The following MEGF8 variants were observed in gnomAD, a reference collection of about 807,000 sequenced individuals.
The protein encoded by MEGF8 is multiple epidermal growth factor-like domains protein 8.
MEGF8 carries 156 observed loss-of-function variants against 302.9 expected under a neutral mutation model. The ratio of observed to expected loss-of-function variants is 0.52; its 90% CI spans 0.45 to 0.59. MEGF8 has a LOEUF of 0.59. Among genes scored for constraint, MEGF8 ranks in the 20% least tolerant of loss-of-function variants. The pLI is 0.00. For synonymous variants in MEGF8, 1,621 were observed against 1,660.5 expected, an observed-to-expected ratio of 0.98 and a Z score of 0.58; for missense variants, 3,345 against 3,964.5, an observed-to-expected ratio of 0.84 and a Z score of 4.20.
intron 35 of MEGF8, among the ~76,000 whole-genome samples, chr19:42,365,240 G>A (rs1487951616): frequency 6.6e-6 from 1 of 152,024 alleles, no homozygotes; most frequent in Non-Finnish European, 1.5e-5. Flanking sequence ...ACAGTCCTGC[G>A]GGCATGCGCT....
chr19:42,356,680 C>T lies in MEGF8; in HGVS notation c.4623-94C>T, dbSNP rs1311547185. 5.3e-6 allele frequency: 7 copies of T among 1,332,242 alleles called. No homozygotes were observed. The highest frequency in any genetic ancestry group is 7.2e-6 in the Non-Finnish European group (7 of 977,044). 82.5% of individuals were successfully genotyped at this position (1,332,242 alleles called of 1,614,324 possible). Reference sequence around the variant, plus strand: ...CAAGAGGACTGTCATAGGAAGGTCACCCCAGGGGATGCGGGGACATCTGTC... The same window carrying T: ...CAAGAGGACTGTCATAGGAAGGTCATCCCAGGGGATGCGGGGACATCTGTC... On this transcript the variant is annotated intron_variant, in intron 26 of 41. Coordinates refer to ENST00000251268, the MANE Select transcript of MEGF8 (RefSeq NM_001271938.2). The surrounding 1 kb of genome is among the most constrained non-coding windows in gnomAD (Gnocchi z 5.2).
chr19:42,345,600 T>C (rs1390708132), intron 12 of MEGF8, among the ~76,000 whole-genome samples: 1 of 152,254 alleles, frequency 6.6e-6, no homozygotes, highest in African/African-American at 2.4e-5. Flanking sequence ...CTCATTCATT[T>C]TATAACTTCA....
At chr19:42,361,153 C>A in intron 32 of MEGF8, 147 bp downstream of exon 32, 1 of 830,788 alleles carries the variant, frequency 1.2e-6, no homozygotes, top group Non-Finnish European at 1.7e-6. Context: ...GCCGGGGGAG[C>A]TCTGAGTGGG....
chr19:42,333,502 G>A, intron 1 of MEGF8, 103 bp from the exon 2 acceptor site: 1 of 1,301,936 alleles, frequency 7.7e-7, no homozygotes, highest in South Asian at 1.4e-5. Context: ...TGAGCCCCCA[G>A]CATCACCTGG....
chr19:42,331,435 T>C (rs2039053210), intron 1 of MEGF8, among the ~76,000 whole-genome samples: 1 of 152,182 alleles, frequency 6.6e-6, no homozygotes, highest in South Asian at 2.1e-4. Flanking sequence ...TCCCCTGAGC[T>C]GCCTGTTCAG....
At chr19:42,364,694 C>CTG (rs369274296) in intron 35 of MEGF8, among the ~76,000 whole-genome samples, 13 of 152,326 alleles carry the variant, frequency 8.5e-5, no homozygotes, top group Non-Finnish European at 1.5e-4. Flanking sequence ...AAAGCTCAGG[C>CTG]TGTGAAGTCA....
chr19:42,371,237 G>C (rs551327513), intron 40 of MEGF8, 113 bp from the exon 41 acceptor site: 1 of 1,411,308 alleles, frequency 7.1e-7, no homozygotes, highest in South Asian at 1.4e-5. Flanking sequence ...TGACCTCTGT[G>C]AACCTCAGTT....
At chr19:42,340,204 C>T (rs1352727230) in intron 8 of MEGF8, among the ~76,000 whole-genome samples, 7 of 152,110 alleles carry the variant, frequency 4.6e-5, no homozygotes, top group African/African-American at 1.7e-4. Flanking sequence ...GTGAAGTGCT[C>T]CACACATTTC....
At chr19:42,340,938 G>A (rs1045387887) in intron 8 of MEGF8, among the ~76,000 whole-genome samples, 1 of 152,132 alleles carries the variant, frequency 6.6e-6, no homozygotes, top group Admixed American at 6.5e-5. Context: ...AAAGTTCTGG[G>A]ATTACAGGCA....
rs2039778371 is a variant in MEGF8, at chr19:42,376,900, G to A, written c.*125G>A. ...GAGACCACTGGCCCCCTTCCCCCAG[G>A]GTTGCCCAGATGGGGCCTCCTTTGT... On this transcript the variant is annotated 3_prime_UTR_variant, in exon 42 of 42. Transcript: ENST00000251268. The surrounding 1 kb of genome is among the most constrained non-coding windows in gnomAD (Gnocchi z 8.2). The A allele has an allele frequency of 5.2e-6, 6 of 1,143,926 alleles. No individual in the cohort carries two copies. Among genetic ancestry groups the A allele is most frequent in the African/African-American group, 1.6e-5 (1 of 62,494 alleles). 70.9% of individuals were successfully genotyped at this position (1,143,926 alleles called of 1,614,324 possible). A position where few individuals can be genotyped will look rare whatever the true frequency, so the allele number is the denominator to read the frequency against.
intron 15 of MEGF8, among the ~76,000 whole-genome samples, chr19:42,350,603 C>G (rs758972912): frequency 2.0e-5 from 3 of 152,150 alleles, no homozygotes; most frequent in Non-Finnish European, 4.4e-5. Context: ...GCAACTCCAT[C>G]CTTTTCCACT....
Position 42,356,195 on chromosome 19 carries a change from T to C in MEGF8, c.4503+2T>C. ...CTCATGGACAGCCGCCTCTCAGCCGTGAGTTGTGGGTACCCGCTGTCTAGG... is the reference window on the plus strand; with the variant it reads ...CTCATGGACAGCCGCCTCTCAGCCGCGAGTTGTGGGTACCCGCTGTCTAGG... On this transcript the variant is annotated splice_donor_variant, in intron 25 of 41. Transcript: ENST00000251268. LOFTEE classifies it high-confidence loss of function. This position sits in a 1 kb window ranked among gnomAD's most constrained non-coding sequence, Gnocchi z 5.2. 6.6e-7 allele frequency: 1 copy of C among 1,521,294 alleles called. No homozygotes were observed. Among genetic ancestry groups the C allele is most frequent in the Non-Finnish European group, 8.8e-7 (1 of 1,130,174 alleles). The allele number at this position is 1,521,294 out of a possible 1,614,324, so 94.2% of individuals were successfully genotyped here.
intron 41 of MEGF8, among the ~76,000 whole-genome samples, chr19:42,374,696 C>A (rs2147517921): frequency 6.6e-6 from 1 of 152,204 alleles, no homozygotes; most frequent in East Asian, 1.9e-4. Context: ...GGGAACAAAG[C>A]AGGCAAATGT....
In MEGF8 at chr19:42,357,706, A is replaced by T; in HGVS notation, c.5011+122A>T. The T allele has an allele frequency of 1.1e-6, 1 of 888,848 alleles. No individual in the cohort carries two copies. The highest frequency in any genetic ancestry group is 1.7e-5 in the African/African-American group (1 of 59,168). The allele number at this position is 888,848 out of a possible 1,614,324, so 55.1% of individuals were successfully genotyped here. A position where few individuals can be genotyped will look rare whatever the true frequency, so the allele number is the denominator to read the frequency against. On this transcript the variant is annotated intron_variant, in intron 28 of 41. Coordinates refer to ENST00000251268, the MANE Select transcript of MEGF8 (RefSeq NM_001271938.2). The surrounding 1 kb of genome is among the most constrained non-coding windows in gnomAD (Gnocchi z 5.2). ...CTGTCTCCCTCTCTTTCCCATCCCC[A>T]TGCAGATTCTCAGGGCACCCTCTTG...
At position 42,333,743 on chromosome 19, in the gene MEGF8, C is replaced by T. The variant is rs768036287; in HGVS notation, c.326C>T (p.Pro109Leu). 6.1e-5 allele frequency: 98 copies of T among 1,613,844 alleles called. No individual in the cohort carries two copies. In the South Asian group the frequency reaches 7.5e-4, roughly 12 times the overall value. ...LASLSGSTRP[P>L]PIEASSGKML... Reference sequence around the variant, plus strand: ...AGTCTAAGTGGGAGCACCCGACCTCCGCCCATCGAAGCTTCCTCAGGCAAG... The same window carrying T: ...AGTCTAAGTGGGAGCACCCGACCTCTGCCCATCGAAGCTTCCTCAGGCAAG... Residue 109 changes from proline to leucine, a missense_variant, in exon 2 of 42, where the codon CCG becomes CTG. Coordinates refer to ENST00000251268, the MANE Select transcript of MEGF8 (RefSeq NM_001271938.2).
intron 41 of MEGF8, among the ~76,000 whole-genome samples, chr19:42,374,784 G>A (rs1419810321): frequency 6.6e-6 from 1 of 152,208 alleles, no homozygotes; most frequent in African/African-American, 2.4e-5. Context: ...GTTAGACAGC[G>A]AGGAGCGCTA....
chr19:42,369,477 A>T lies in MEGF8; in HGVS notation c.6642-54A>T. ...GGGGTAGTTGGTTGGGTGCTAGGCC[A>T]TGAAGCCACGAGGAGGGTGGCCACC... On this transcript the variant is annotated intron_variant, in intron 37 of 41. Transcript: ENST00000251268. This position sits in a 1 kb window ranked among gnomAD's most constrained non-coding sequence, Gnocchi z 5.7. The T allele has an allele frequency of 2.6e-6, 4 of 1,560,474 alleles. No homozygotes were observed. The highest frequency in any genetic ancestry group is 1.7e-5 in the Admixed American group (1 of 58,278).
In MEGF8 at chr19:42,376,565, C is replaced by A; in HGVS notation, c.8328C>A (p.Gly2776=). ...GPITLEPTED[G]MAGVATLLLQ... Reference sequence around the variant, plus strand: ...TCACTCTCGAGCCCACAGAAGATGGCATGGCTGGCGTGGCCACACTGCTGC... The same window carrying A: ...TCACTCTCGAGCCCACAGAAGATGGAATGGCTGGCGTGGCCACACTGCTGC... The change falls in exon 42 of 42, where the codon GGC becomes GGA. Residue 2776 remains glycine, a synonymous_variant. Coordinates refer to ENST00000251268, the MANE Select transcript of MEGF8 (RefSeq NM_001271938.2). The surrounding 1 kb of genome is among the most constrained non-coding windows in gnomAD (Gnocchi z 8.2). The A allele has an allele frequency of 6.4e-7, 1 of 1,554,846 alleles. No individual in the cohort carries two copies. Among genetic ancestry groups the A allele is most frequent in the Non-Finnish European group, 8.7e-7 (1 of 1,152,138 alleles).
Position 42,375,948 on chromosome 19 carries a change from C to T in MEGF8, c.7711C>T (p.Pro2571Ser). 1 of 1,604,764 alleles carries T rather than the reference C, an allele frequency of 6.2e-7. No individual in the cohort carries two copies. The highest frequency in any genetic ancestry group is 8.5e-7 in the Non-Finnish European group (1 of 1,176,142). Residue 2571 changes from proline to serine, a missense_variant, in exon 42 of 42, where the codon CCG (proline) becomes TCG (serine). Coordinates refer to ENST00000251268, the MANE Select transcript of MEGF8 (RefSeq NM_001271938.2). This position sits in a 1 kb window ranked among gnomAD's most constrained non-coding sequence, Gnocchi z 7.1. ...PAEPRVREVW[P>S]RGLITYVTVT... ...AGAGCCACGGGTACGGGAGGTATGG[C>T]CGCGGGGCCTGATTACCTACGTGAC... is the stretch of plus-strand genomic sequence containing the variant.
Sources: gnomAD v4.1 joint callset for allele counts (sites outside exome capture counted in the v4.1 genomes callset) on GRCh38, gnomAD v4.1.1 for gene constraint, Gnocchi (gnomAD v3.1) non-coding constraint, MANE v1.5 for transcripts, NCBI Gene and HGNC (gene_info 2026-07-23, HGNC 2026-07-21) for gene names.